CACNB2: variants seen among roughly 807,000 people sequenced by gnomAD.
CACNB2 encodes the protein voltage-dependent L-type calcium channel subunit beta-2.
In CACNB2, 42 loss-of-function variants were observed where a neutral mutation model predicts 73.3. That is an observed-to-expected ratio of 0.57 (90% CI 0.45 to 0.74). The LOEUF (loss-of-function observed/expected upper bound fraction) is 0.74. CACNB2 is among the 30% of genes least tolerant of loss of function. The pLI is 0.00. For missense variants in CACNB2, 940 were observed against 853.0 expected, an observed-to-expected ratio of 1.10 and a Z score of -1.27; for synonymous variants, 348 against 310.3, an observed-to-expected ratio of 1.12 and a Z score of -1.28.
At chr10:18,438,183 A>AGT (rs1554819209) in intron 3 of CACNB2, among the ~76,000 whole-genome samples, 2 of 93,968 alleles carry the variant, frequency 2.1e-5, no homozygotes, top group Non-Finnish European at 4.0e-5. Context: ...ACACCTGGCG[A>AGT]TTTTTTTTTT....
intron 2 of CACNB2, chr10:18,256,750 G>T (rs549840865): frequency 2.0e-4 from 30 of 152,474 alleles, no homozygotes; most frequent in African/African-American, 7.2e-4. Flanking sequence ...AGACCAGCCT[G>T]GGAAACATGG....
chr10:18,142,830 A>G (rs1320524765), intron 1 of CACNB2, among the ~76,000 whole-genome samples: 7 of 152,386 alleles, frequency 4.6e-5, no homozygotes, highest in Middle Eastern at 3.4e-3. Context: ...AGCAGCAATT[A>G]GGATATATGT....
rs184633754 is a variant in CACNB2, at chr10:18,392,837, C to G, written c.214-9087C>G. Among the ~76,000 whole-genome samples the G allele has an allele frequency of 1.3e-3, 194 of 152,264 alleles. 1 individual carries two copies. The highest frequency in any genetic ancestry group is 4.5e-3 in the African/African-American group (187 of 41,554). On this transcript the variant is annotated intron_variant, in intron 2 of 13. Coordinates refer to ENST00000324631, the MANE Select transcript of CACNB2 (RefSeq NM_201596.3). The stretch of plus-strand genomic sequence containing the variant: ...TCAACTCTCCCAAGCCACTATTTTT[C>G]TGCTCCCTGCCTACTTGTTTTCAAT...
intron 3 of CACNB2, among the ~76,000 whole-genome samples, chr10:18,423,416 G>A (rs2045433120): frequency 6.6e-6 from 1 of 152,204 alleles, no homozygotes; most frequent in African/African-American, 2.4e-5. Context: ...TCTGCCAGGA[G>A]AAAGAATTCC....
At chr10:18,403,487 T>A in intron 3 of CACNB2, among the ~76,000 whole-genome samples, 1 of 152,218 alleles carries the variant, frequency 6.6e-6, no homozygotes, top group East Asian at 1.9e-4. Context: ...TCATGTAAGT[T>A]TCACATACCA....
intron 2 of CACNB2, among the ~76,000 whole-genome samples, chr10:18,184,657 T>G (rs1410786389): frequency 2.7e-3 from 47 of 17,132 alleles, no homozygotes; most frequent in African/African-American, 4.8e-3. Context: ...TTGTTTTTTT[T>G]TTTTTTTTTT....
intron 3 of CACNB2, among the ~76,000 whole-genome samples, chr10:18,437,715 A>G (rs1046777685): frequency 1.3e-5 from 2 of 152,194 alleles, no homozygotes; most frequent in Non-Finnish European, 2.9e-5. Flanking sequence ...TATCTTTGAC[A>G]GCACTGAGAG....
At chr10:18,189,099 C>T (rs2034282703) in intron 2 of CACNB2, among the ~76,000 whole-genome samples, 1 of 152,184 alleles carries the variant, frequency 6.6e-6, no homozygotes, top group South Asian at 2.1e-4. Context: ...GTAGCTGGTA[C>T]TACAGGTGTG....
chr10:18,199,906 C>T (rs1184177638), intron 2 of CACNB2, among the ~76,000 whole-genome samples: 2 of 147,876 alleles, frequency 1.4e-5, no homozygotes, highest in African/African-American at 2.5e-5. Flanking sequence ...AAGGTAGAAG[C>T]AACCTGTAGA....
At chr10:18,261,043 GC>G (rs1422685145) in intron 2 of CACNB2, 10 of 1,361,188 alleles carry the variant, frequency 7.3e-6, no homozygotes, top group Non-Finnish European at 8.5e-6. Context: ...CTCAAATTAC[GC>G]CCCCCACCCC....
In CACNB2 at chr10:18,402,029, T is replaced by C. The variant is rs1322085098; in HGVS notation, c.319T>C (p.Leu107=). 3.7e-6 allele frequency: 6 copies of C among 1,613,726 alleles called. No individual in the cohort carries two copies. The highest frequency in any genetic ancestry group is 1.1e-5 in the South Asian group (1 of 91,082). ...REAERQAQAQ[L]EKAKTKPVAF... ...AGCGGAGCGGCAGGCCCAGGCACAG[T>C]TGGAAAAAGCAAAGGTAAAATCGTT... is the stretch of plus-strand genomic sequence containing the variant. Residue 107 remains leucine, a synonymous_variant, in exon 3 of 14, where the codon TTG becomes CTG. Transcript: ENST00000324631.
Position 18,255,066 on chromosome 10 carries a change from G to A in CACNB2, c.213+104091G>A, listed in dbSNP as rs575027959. On this transcript the variant is annotated intron_variant, in intron 2 of 13. Transcript: ENST00000324631. ...TGATCTCCCTGGCTTCTCTCTAGCCGTCTTCCAATCTGTCTTCAACTGTCC... is the reference window on the plus strand; with the variant it reads ...TGATCTCCCTGGCTTCTCTCTAGCCATCTTCCAATCTGTCTTCAACTGTCC... Among the ~76,000 whole-genome samples the A allele has an allele frequency of 4.1e-3, 622 of 152,022 alleles. 7 individuals carry two copies. The highest frequency in any genetic ancestry group is 5.3e-3 in the Non-Finnish European group (363 of 67,912).
intron 2 of CACNB2, among the ~76,000 whole-genome samples, chr10:18,196,192 G>T (rs1193213413): frequency 1.3e-5 from 2 of 151,706 alleles, no homozygotes; most frequent in East Asian, 3.9e-4. Flanking sequence ...TACATGGCTT[G>T]TAACTGTGGG....
At chr10:18,470,070 A>G (rs2048102479) in intron 3 of CACNB2, among the ~76,000 whole-genome samples, 1 of 152,006 alleles carries the variant, frequency 6.6e-6, no homozygotes, top group Admixed American at 6.6e-5. Context: ...ATTTAAAATA[A>G]AGTATTCAAC....
intron 2 of CACNB2, among the ~76,000 whole-genome samples, chr10:18,172,640 C>G (rs1018096211): frequency 6.6e-6 from 1 of 152,156 alleles, no homozygotes; most frequent in African/African-American, 2.4e-5. Context: ...GCTGCCCTTG[C>G]TATCCAGGTT....
At chr10:18,248,793 T>A (rs965227580) in intron 2 of CACNB2, among the ~76,000 whole-genome samples, 1 of 152,190 alleles carries the variant, frequency 6.6e-6, no homozygotes, top group Non-Finnish European at 1.5e-5. Context: ...TGAGTTCCCG[T>A]GATGGAGACA....
chr10:18,196,096 G>A (rs1028936931), intron 2 of CACNB2, among the ~76,000 whole-genome samples: 44 of 151,958 alleles, frequency 2.9e-4, no homozygotes, highest in African/African-American at 8.2e-4. Flanking sequence ...GATCCACAAC[G>A]TATCCCTGCC....
In CACNB2 at chr10:18,434,029, A is replaced by G. The variant is rs541871911; in HGVS notation, c.333+31986A>G. Among the ~76,000 whole-genome samples, 125 of 152,182 alleles carry G rather than the reference A, an allele frequency of 8.2e-4. 1 individual carries two copies. Among genetic ancestry groups the G allele is most frequent in the African/African-American group, 2.6e-3 (107 of 41,522 alleles). ...GTTGTATATAAAGCTTTACCAGTTA[A>G]TTTTGAGCTTTCTCTGAAAAGCATA... On this transcript the variant is annotated intron_variant, in intron 3 of 13. Transcript: ENST00000324631.
chr10:18,352,720 C>T (rs561741599), intron 2 of CACNB2, among the ~76,000 whole-genome samples: 160 of 152,276 alleles, frequency 1.1e-3, no homozygotes, highest in Admixed American at 1.8e-3. Context: ...AAACATGCTT[C>T]GTAGCATTTC....
Sources: allele counts gnomAD v4.1 joint callset (sites outside exome capture counted in the v4.1 genomes callset), GRCh38; gene constraint gnomAD v4.1.1; transcripts MANE v1.5; gene names NCBI Gene and HGNC (gene_info 2026-07-23, HGNC 2026-07-21).